ABI3BP: variants seen among roughly 807,000 people sequenced by gnomAD.
The protein encoded by ABI3BP is target of Nesh-SH3.
In ABI3BP, 216 loss-of-function variants were observed where a neutral mutation model predicts 268.6. The ratio of observed to expected loss-of-function variants is 0.80; its 90% CI spans 0.72 to 0.90. The LOEUF is 0.90. Ranked by LOEUF, ABI3BP falls within the 40% of genes least tolerant of loss-of-function variation. The pLI is 0.00. For missense variants in ABI3BP, 2,090 were observed against 2,182.4 expected (o/e 0.96, Z 0.84); for synonymous variants, 730 against 730.0 (o/e 1.00, Z 0.00).
chr3:100,753,715 C>A lies in ABI3BP; in HGVS notation c.4960+104G>T. On this transcript the variant is annotated intron_variant, in intron 65 of 67. Coordinates refer to ENST00000471714, the MANE Select transcript of ABI3BP (RefSeq NM_001375547.2). ...ACAACTGTTTGGTGTTATAAGAAGA[C>A]TAAGTGGAAAAACGCGAAATCATGA... 6.3e-6 allele frequency: 8 copies of A among 1,279,206 alleles called. No individual in the cohort carries two copies. In the South Asian group the frequency reaches 1.0e-4, roughly 16 times the overall value. The allele number at this position is 1,279,206 out of a possible 1,614,324, so 79.2% of individuals were successfully genotyped here.
chr3:100,777,007 G>A (rs2096725413), intron 59 of ABI3BP, among the ~76,000 whole-genome samples: 2 of 152,124 alleles, frequency 1.3e-5, no homozygotes, highest in African/African-American at 4.8e-5. Flanking sequence ...GGGGAAACCC[G>A]GTCTCCTAGC....
At chr3:100,918,482 C>T (rs1360513668) in intron 2 of ABI3BP, among the ~76,000 whole-genome samples, 3 of 151,862 alleles carry the variant, frequency 2.0e-5, no homozygotes, top group African/African-American at 7.3e-5. Flanking sequence ...ACAAGACACA[C>T]AAAAATAAAA....
chr3:100,794,404 T>C (rs937373692), intron 54 of ABI3BP, among the ~76,000 whole-genome samples: 4 of 151,836 alleles, frequency 2.6e-5, no homozygotes, highest in Non-Finnish European at 5.9e-5. Context: ...TAAAAAGGCA[T>C]GTAGTGTATT....
At chr3:100,918,837 G>A (rs955805004) in intron 2 of ABI3BP, among the ~76,000 whole-genome samples, 3 of 152,154 alleles carry the variant, frequency 2.0e-5, no homozygotes, top group Non-Finnish European at 2.9e-5. Flanking sequence ...GTTCTGAGAG[G>A]CAGTAGAACA....
At chr3:100,957,725 T>C (rs1056828328) in intron 1 of ABI3BP, among the ~76,000 whole-genome samples, 35 of 152,196 alleles carry the variant, frequency 2.3e-4, no homozygotes, top group Admixed American at 1.3e-4. Context: ...CCCAGAGATG[T>C]TAAGCTACTT....
At chr3:100,856,840 G>A (rs1407182860) in intron 14 of ABI3BP, among the ~76,000 whole-genome samples, 1 of 152,148 alleles carries the variant, frequency 6.6e-6, no homozygotes, top group African/African-American at 2.4e-5. Context: ...ATAAATACAT[G>A]GCATTTATGC....
At chr3:100,965,686 T>A (rs980120009) in intron 1 of ABI3BP, among the ~76,000 whole-genome samples, 3 of 151,934 alleles carry the variant, frequency 2.0e-5, no homozygotes, top group Non-Finnish European at 4.4e-5. Context: ...GCCTTGGGGA[T>A]TGTAACAGAT....
intron 1 of ABI3BP, among the ~76,000 whole-genome samples, chr3:100,947,452 G>T (rs2073006033): frequency 6.6e-6 from 1 of 152,094 alleles, no homozygotes; most frequent in East Asian, 1.9e-4. Context: ...AAGAAGGAAG[G>T]CTGTCTCACA....
rs539295528 is a variant in ABI3BP, at chr3:100,785,449, CT to C, written c.4162+2278del. On this transcript the variant is annotated intron_variant, in intron 57 of 67. Coordinates refer to ENST00000471714, the MANE Select transcript of ABI3BP (RefSeq NM_001375547.2). ...AGGAGAGATTTTTAAACATTTTTTC[CT>C]CACCAATTTTTGAAAATAGTATTCT... Among the ~76,000 whole-genome samples the C allele has an allele frequency of 9.3e-4, 142 of 152,236 alleles. 1 individual carries two copies. The highest frequency in any genetic ancestry group is 3.3e-3 in the African/African-American group (136 of 41,558).
intron 9 of ABI3BP, among the ~76,000 whole-genome samples, chr3:100,868,816 A>T (rs1039963031): frequency 3.9e-5 from 6 of 151,998 alleles, no homozygotes; most frequent in Non-Finnish European, 8.8e-5. Flanking sequence ...AATCTAGCAT[A>T]ATTTTATGAA....
chr3:100,802,253 G>A (rs2097554699), intron 51 of ABI3BP, among the ~76,000 whole-genome samples: 2 of 152,160 alleles, frequency 1.3e-5, no homozygotes, highest in Admixed American at 6.5e-5. Flanking sequence ...ATGAGGATTT[G>A]GATAGCTTGC....
intron 2 of ABI3BP, among the ~76,000 whole-genome samples, chr3:100,914,736 A>G (rs899590954): frequency 2.6e-5 from 4 of 152,198 alleles, no homozygotes; most frequent in Non-Finnish European, 2.9e-5. Context: ...AAGGGGGGAA[A>G]GAGGGCATCT....
chr3:100,814,750 T>C (rs895789288), intron 44 of ABI3BP, among the ~76,000 whole-genome samples: 1 of 152,138 alleles, frequency 6.6e-6, no homozygotes, highest in Admixed American at 6.6e-5. Context: ...GAAATGATTG[T>C]CTTCTTAAGC....
intron 1 of ABI3BP, among the ~76,000 whole-genome samples, chr3:100,947,683 T>C (rs931765388): frequency 6.6e-6 from 1 of 151,964 alleles, no homozygotes; most frequent in Non-Finnish European, 1.5e-5. Flanking sequence ...TAAATTAATT[T>C]AAATGGTAAG....
chr3:100,846,349 T>C (rs2098768290), intron 20 of ABI3BP, 23 bp downstream of exon 20: 2 of 1,520,896 alleles, frequency 1.3e-6, no homozygotes, highest in Admixed American at 2.0e-5. Flanking sequence ...TTTGGAATAT[T>C]CAAAAAAGTT....
chr3:100,866,931 A>G lies in ABI3BP; in HGVS notation c.936T>C (p.Pro312=), dbSNP rs769034148. ...CAACCTCTGGTGTTTTAGATTCGGC[A>G]GGTAATGCCAAGGTTTCATTCTTAG... The part of the protein sequence containing the change: ...QLAKNETLAL[P]AESKTPEVEK... The change falls in exon 10 of 68, where the codon CCT becomes CCC. Residue 312 remains proline (P), a synonymous_variant. Coordinates refer to ENST00000471714, the MANE Select transcript of ABI3BP (RefSeq NM_001375547.2). The G allele has an allele frequency of 6.2e-7, 1 of 1,613,860 alleles. No homozygotes were observed. The highest frequency in any genetic ancestry group is 1.1e-5 in the South Asian group (1 of 91,072).
intron 1 of ABI3BP, among the ~76,000 whole-genome samples, chr3:100,950,338 G>T (rs1462874725): frequency 6.6e-6 from 1 of 152,116 alleles, no homozygotes; most frequent in African/African-American, 2.4e-5. Flanking sequence ...AAACAAATGA[G>T]TCTCTTCAAA....
At chr3:100,993,198 A>C in intron 1 of ABI3BP, 108 bp downstream of exon 1, 1 of 775,770 alleles carries the variant, frequency 1.3e-6, no homozygotes, top group Non-Finnish European at 2.0e-6. Flanking sequence ...TCTCTGCAGA[A>C]TAACTCTATT....
At chr3:100,918,048 A>T (rs1052567015) in intron 2 of ABI3BP, among the ~76,000 whole-genome samples, 2 of 152,146 alleles carry the variant, frequency 1.3e-5, no homozygotes, top group Non-Finnish European at 2.9e-5. Context: ...AGGAAAAAAA[A>T]ATCAAATGAT....
Sources: gnomAD v4.1 joint callset for allele counts (sites outside exome capture counted in the v4.1 genomes callset) on GRCh38, gnomAD v4.1.1 for gene constraint, MANE v1.5 for transcripts, NCBI Gene and HGNC (gene_info 2026-07-23, HGNC 2026-07-21) for gene names.